ZC3H3: variants seen among roughly 807,000 people sequenced by gnomAD.
ZC3H3 encodes zinc finger CCCH-type containing 3.
ZC3H3 carries 36 observed loss-of-function variants against 77.3 expected under a neutral mutation model. The ratio of observed to expected loss-of-function variants is 0.47; its 90% CI spans 0.36 to 0.61. The LOEUF (loss-of-function observed/expected upper bound fraction) is 0.61. Among genes scored for constraint, ZC3H3 ranks in the 20% least tolerant of loss-of-function variants. ZC3H3 has a pLI of 0.00. For missense variants in ZC3H3, 1,331 were observed against 1,312.2 expected (o/e 1.01, Z -0.22); for synonymous variants, 626 against 555.2 (o/e 1.13, Z -1.79).
At chr8:143,490,588 T>C (rs392131) in intron 4 of ZC3H3, among the ~76,000 whole-genome samples, 33,231 of 152,244 alleles carry the variant, frequency 0.22, 3,798 homozygotes, top group Middle Eastern at 0.31. Flanking sequence ...GGGTGAGATC[T>C]GGCTGGAGGA....
intron 4 of ZC3H3, among the ~76,000 whole-genome samples, chr8:143,497,580 G>A (rs988421813): frequency 7.9e-5 from 12 of 152,334 alleles, no homozygotes; most frequent in Admixed American, 3.9e-4. Context: ...TGCACCCACC[G>A]GTAGGCCAAG....
At chr8:143,456,084 T>C (rs1820111902) in intron 9 of ZC3H3, among the ~76,000 whole-genome samples, 1 of 151,272 alleles carries the variant, frequency 6.6e-6, no homozygotes, top group Non-Finnish European at 1.5e-5. Flanking sequence ...ATGACATCTA[T>C]GGGTTCAGGT....
At chr8:143,438,219 T>C in intron 11 of ZC3H3, 132 bp from the exon 12 acceptor site, 1 of 1,166,054 alleles carries the variant, frequency 8.6e-7, no homozygotes, top group Non-Finnish European at 1.2e-6. Context: ...TCTGCAGAGA[T>C]ACCCTCCTGA....
intron 4 of ZC3H3, among the ~76,000 whole-genome samples, chr8:143,498,654 C>G (rs1299799980): frequency 6.6e-6 from 1 of 151,784 alleles, no homozygotes; most frequent in Non-Finnish European, 1.5e-5. Flanking sequence ...CCTACTGGCC[C>G]CCACACTGCT....
intron 3 of ZC3H3, among the ~76,000 whole-genome samples, chr8:143,513,825 A>G (rs1362636368): frequency 6.6e-6 from 1 of 152,204 alleles, no homozygotes; most frequent in Non-Finnish European, 1.5e-5. Context: ...CCTGGAAGGC[A>G]CCTGGGCCTG....
rs753723744 is a variant in ZC3H3, at chr8:143,440,943, C to T, written c.2485G>A (p.Gly829Arg). 66 of 1,428,196 alleles carry T rather than the reference C, an allele frequency of 4.6e-5. No individual in the cohort carries two copies. Among genetic ancestry groups the T allele is most frequent in the Middle Eastern group, 3.9e-4 (2 of 5,078 alleles). The allele number at this position is 1,428,196 out of a possible 1,614,324, so 88.5% of individuals were successfully genotyped here. The change falls in exon 10 of 12, where the codon GGG becomes AGG. Residue 829 changes from glycine to arginine, a missense_variant. Coordinates refer to ENST00000262577, the MANE Select transcript of ZC3H3 (RefSeq NM_015117.3). ...TARSRVSASH[G>R]PRKPSASQRP... ...TGCCCACTGCCCCATCACCTGGGCC[C>T]GTGGCTGGCCGAGACCCTGCTCCTG... is the stretch of plus-strand genomic sequence containing the variant.
At chr8:143,497,461 C>T (rs1330001641) in intron 4 of ZC3H3, among the ~76,000 whole-genome samples, 2 of 152,182 alleles carry the variant, frequency 1.3e-5, no homozygotes, top group Admixed American at 1.3e-4. Context: ...GCCTGGGGTC[C>T]ACATGGGCCA....
intron 9 of ZC3H3, among the ~76,000 whole-genome samples, chr8:143,452,595 C>T (rs1820017049): frequency 6.6e-6 from 1 of 152,076 alleles, no homozygotes; most frequent in South Asian, 2.1e-4. Flanking sequence ...TACAAACATG[C>T]TGGAAACAGA....
chr8:143,539,068 C>T lies in ZC3H3; in HGVS notation c.299G>A (p.Gly100Glu). Reference protein sequence around the residue: ...HAVRPLHGARGGQPPVPQQHV... With the variant: ...HAVRPLHGAREGQPPVPQQHV... ...CTGCTGCGGGACAGGAGGCTGGCCC[C>T]CCCGGGCCCCGTGCAACGGCCGCAC... The change falls in exon 2 of 12, where the codon GGG (glycine) becomes GAG (glutamate). Residue 100 changes from glycine (G) to glutamate (E), a missense_variant. Transcript: ENST00000262577. 6.2e-7 allele frequency: 1 copy of T among 1,612,968 alleles called. No homozygotes were observed. Among genetic ancestry groups the T allele is most frequent in the Non-Finnish European group, 8.5e-7 (1 of 1,180,014 alleles).
At chr8:143,486,753 C>T (rs562231109) in intron 4 of ZC3H3, among the ~76,000 whole-genome samples, 5 of 150,704 alleles carry the variant, frequency 3.3e-5, no homozygotes, top group African/African-American at 9.8e-5. Flanking sequence ...ACCCGCTACA[C>T]GACCCCATCA....
chr8:143,455,496 G>GC (rs1180607151), intron 9 of ZC3H3, among the ~76,000 whole-genome samples: 1 of 151,752 alleles, frequency 6.6e-6, no homozygotes, highest in African/African-American at 2.4e-5. Flanking sequence ...GCGAGACTCT[G>GC]CCCCCCCTCC....
intron 4 of ZC3H3, chr8:143,484,863 A>G (rs1821008405): frequency 4.4e-6 from 2 of 455,310 alleles, no homozygotes; most frequent in Non-Finnish European, 4.4e-6. Context: ...CCCTCCGAAG[A>G]CCACACAGCA....
intron 2 of ZC3H3, 69 bp downstream of exon 2, chr8:143,537,934 C>T: frequency 3.5e-6 from 5 of 1,413,126 alleles, no homozygotes; most frequent in South Asian, 1.3e-5. Flanking sequence ...TCAGCAGATC[C>T]ATTAGGGGTG....
chr8:143,455,498 C>T (rs898522724), intron 9 of ZC3H3, among the ~76,000 whole-genome samples: 1 of 151,662 alleles, frequency 6.6e-6, no homozygotes, highest in Non-Finnish European at 1.5e-5. Flanking sequence ...GAGACTCTGC[C>T]CCCCCTCCCC....
At position 143,494,344 on chromosome 8, in the gene ZC3H3, C is replaced by T. The variant is rs993765027; in HGVS notation, c.1715+13402G>A. On this transcript the variant is annotated intron_variant, in intron 4 of 11. Transcript: ENST00000262577. This position sits in a 1 kb window ranked among gnomAD's most constrained non-coding sequence, Gnocchi z 5.3. Reference sequence around the variant, plus strand: ...GAGTGAGCAGCTCAGGCTACGGGACCGGTGGCAGCCCGCCAGCCCTCCCTC... The same window carrying T: ...GAGTGAGCAGCTCAGGCTACGGGACTGGTGGCAGCCCGCCAGCCCTCCCTC... Among the ~76,000 whole-genome samples the T allele has an allele frequency of 1.7e-4, 26 of 152,346 alleles. No homozygotes were observed. Among genetic ancestry groups the T allele is most frequent in the Non-Finnish European group, 2.8e-4 (19 of 68,024 alleles).
intron 3 of ZC3H3, among the ~76,000 whole-genome samples, chr8:143,516,771 T>A (rs1218118949): frequency 1.3e-5 from 2 of 152,176 alleles, no homozygotes; most frequent in Non-Finnish European, 2.9e-5. Context: ...TCAGCTTTCA[T>A]GTCCTGGCCT....
chr8:143,534,300 C>T (rs578169597), intron 3 of ZC3H3, among the ~76,000 whole-genome samples: 1 of 146,540 alleles, frequency 6.8e-6, no homozygotes, highest in Admixed American at 6.8e-5. Flanking sequence ...AAAAAAACGA[C>T]GAGATCAATT....
At chr8:143,479,615 T>C (rs1368141574) in intron 4 of ZC3H3, among the ~76,000 whole-genome samples, 1 of 152,200 alleles carries the variant, frequency 6.6e-6, no homozygotes, top group Non-Finnish European at 1.5e-5. Flanking sequence ...GCCTTTGTAA[T>C]GGGAGGCATG....
chr8:143,475,402 G>A lies in ZC3H3; in HGVS notation c.1899C>T (p.Arg633=), dbSNP rs371544113. 39 of 1,612,704 alleles carry A rather than the reference G, an allele frequency of 2.4e-5. No individual in the cohort carries two copies. In the African/African-American group the frequency reaches 2.7e-4, roughly 11 times the overall value. ...PSDAGSRPLL[R]TGRLDPAGSC... ...GCCCCCGCCCTCACCTCTCACCTGT[G>A]CGCAGGAGGGGCCTGCTGCCCGCAT... Residue 633 remains arginine, a synonymous_variant, in exon 5 of 12, where the codon CGC becomes CGT. Transcript: ENST00000262577.
Sources: gnomAD v4.1 joint callset for allele counts (sites outside exome capture counted in the v4.1 genomes callset) on GRCh38, gnomAD v4.1.1 for gene constraint, Gnocchi (gnomAD v3.1) non-coding constraint, MANE v1.5 for transcripts, NCBI Gene and HGNC (gene_info 2026-07-23, HGNC 2026-07-21) for gene names.